Variants in ZRANB1 observed in about 807,000 individuals in gnomAD.
The protein encoded by ZRANB1 is zinc finger RANBP2-type containing 1.
ZRANB1 carries 16 observed loss-of-function variants against 80.5 expected under a neutral mutation model. That is an observed-to-expected ratio of 0.20 (90% CI 0.13 to 0.30). The LOEUF is 0.30. Among genes scored for constraint, ZRANB1 ranks in the 10% least tolerant of loss-of-function variants. The probability of loss-of-function intolerance (pLI) is 1.00; values close to 1 mark genes in which losing one functional copy is unlikely to be tolerated. For missense variants in ZRANB1, 576 were observed against 862.6 expected (o/e 0.67, Z 4.16); for synonymous variants, 291 against 293.1 (o/e 0.99, Z 0.07).
chr10:124,973,649 T>C lies in ZRANB1; in HGVS notation c.1161T>C (p.Ile387=). The C allele has an allele frequency of 6.2e-7, 1 of 1,610,674 alleles. No homozygotes were observed. The highest frequency in any genetic ancestry group is 8.5e-7 in the Non-Finnish European group (1 of 1,179,088). ...AAGTTTGCATTTTCTTTGTAGATAT[T>C]GAAGATTTGCCCCCAACAGTCCAAG... ...DLVTFTLPAD[I]EDLPPTVQEK... Residue 387 remains isoleucine (I), a synonymous_variant, in exon 4 of 9, where the codon ATT becomes ATC. Transcript: ENST00000359653.
At chr10:124,965,063 A>G (rs1201842693) in intron 1 of ZRANB1, among the ~76,000 whole-genome samples, 2 of 152,214 alleles carry the variant, frequency 1.3e-5, no homozygotes, top group Admixed American at 1.3e-4. Flanking sequence ...TTTCTGGTCT[A>G]TTTGAAAGGC....
intron 1 of ZRANB1, among the ~76,000 whole-genome samples, chr10:124,959,595 T>A (rs191114843): frequency 2.2e-4 from 33 of 152,184 alleles, no homozygotes; most frequent in Non-Finnish European, 4.4e-4. Flanking sequence ...GTCTCCCAAG[T>A]AGCTGGGACT....
At chr10:124,925,175 G>A in the ZRANB1 span, among the ~76,000 whole-genome samples, 20 of 152,268 alleles carry the variant, frequency 1.3e-4, no homozygotes, top group African/African-American at 4.6e-4. Context: ...CTCCCAAAAT[G>A]CTGGGATTAC....
intron 1 of ZRANB1, among the ~76,000 whole-genome samples, chr10:124,957,405 A>G (rs986108570): frequency 6.6e-6 from 1 of 152,144 alleles, no homozygotes; most frequent in Admixed American, 6.6e-5. Context: ...TTGAGGTAAA[A>G]TATACGTAAG....
At position 124,974,258 on chromosome 10, in the gene ZRANB1, C is replaced by A. The variant is rs1362715492; in HGVS notation, c.1287C>A (p.Asp429Glu). The change falls in exon 5 of 9, where the codon GAC (aspartate) becomes GAA (glutamate). Residue 429 changes from aspartate to glutamate, a missense_variant. This residue lies in a region of ZRANB1 where 411 missense variants were observed against 583.1 expected (regional missense o/e 0.70). Coordinates refer to ENST00000359653, the MANE Select transcript of ZRANB1 (RefSeq NM_017580.3). Reference protein sequence around the residue: ...NWSLELATRLDSRLYALWNRT... With the variant: ...NWSLELATRLESRLYALWNRT... ...CCTTGGAATTGGCTACACGTTTGGA[C>A]AGTCGACTGTATGCACTTTGGAACC... 1.2e-6 allele frequency: 2 copies of A among 1,614,260 alleles called. No homozygotes were observed. The highest frequency in any genetic ancestry group is 2.2e-5 in the South Asian group (2 of 91,090).
In ZRANB1 at chr10:124,946,664, C is replaced by T. The variant is rs562641090; in HGVS notation, c.814+3357C>T. ...TACAATGTCATTCTGAACTGTTATA[C>T]GTAAGGTTATAATTATAGGCCTGTT... is the stretch of plus-strand genomic sequence containing the variant. On this transcript the variant is annotated intron_variant, in intron 1 of 8. Coordinates refer to ENST00000359653, the MANE Select transcript of ZRANB1 (RefSeq NM_017580.3). Among the ~76,000 whole-genome samples the T allele has an allele frequency of 7.8e-4, 118 of 152,110 alleles. 1 individual carries two copies. Among genetic ancestry groups the T allele is most frequent in the Non-Finnish European group, 1.4e-3 (95 of 68,018 alleles).
chr10:124,961,622 G>A (rs1255460063), intron 1 of ZRANB1, among the ~76,000 whole-genome samples: 1 of 152,210 alleles, frequency 6.6e-6, no homozygotes, highest in Non-Finnish European at 1.5e-5. Flanking sequence ...GATCAAAGAT[G>A]TAAGGAGAAA....
chr10:124,935,530 TC>T, the ZRANB1 span, among the ~76,000 whole-genome samples: 12 of 152,232 alleles, frequency 7.9e-5, no homozygotes, highest in African/African-American at 2.7e-4. Context: ...GATACTGTCT[TC>T]CATTGCCTTC....
chr10:124,956,274 T>C (rs1951687137), intron 1 of ZRANB1, among the ~76,000 whole-genome samples: 1 of 152,146 alleles, frequency 6.6e-6, no homozygotes, highest in African/African-American at 2.4e-5. Flanking sequence ...AAGGATGTGT[T>C]TTGACTCTAG....
chr10:124,922,479 C>T, the ZRANB1 span, among the ~76,000 whole-genome samples: 9 of 148,542 alleles, frequency 6.1e-5, no homozygotes, highest in Non-Finnish European at 3.0e-5. Flanking sequence ...ATGCGTGCCA[C>T]CACACCTGGC....
chr10:124,928,552 C>G, the ZRANB1 span, among the ~76,000 whole-genome samples: 1 of 152,118 alleles, frequency 6.6e-6, no homozygotes, highest in Non-Finnish European at 1.5e-5. Flanking sequence ...TTGGGCACCT[C>G]CTATGTGATT....
chr10:124,987,031 C>T lies in ZRANB1; in HGVS notation c.*2039C>T, dbSNP rs1406500833. On this transcript the variant is annotated 3_prime_UTR_variant, in exon 9 of 9. Transcript: ENST00000359653. ...TAGTGTGATAGGTGCAGCATTCTTCCCTGTGGGAAAGAATTAAAGATGGTT... is the reference window on the plus strand; with the variant it reads ...TAGTGTGATAGGTGCAGCATTCTTCTCTGTGGGAAAGAATTAAAGATGGTT... The T allele has an allele frequency of 6.6e-6, 1 of 152,484 alleles. No individual in the cohort carries two copies. Among genetic ancestry groups the T allele is most frequent in the Non-Finnish European group, 1.5e-5 (1 of 68,006 alleles). 9.4% of individuals were successfully genotyped at this position (152,484 alleles called of 1,614,324 possible). A position where few individuals can be genotyped will look rare whatever the true frequency, so the allele number is the denominator to read the frequency against.
intron 1 of ZRANB1, among the ~76,000 whole-genome samples, chr10:124,944,057 T>G (rs1330017261): frequency 6.6e-6 from 1 of 152,248 alleles, no homozygotes; most frequent in Non-Finnish European, 1.5e-5. Flanking sequence ...TCATATGTAT[T>G]GTGACATTTT....
intron 1 of ZRANB1, among the ~76,000 whole-genome samples, chr10:124,959,110 G>C (rs1413719274): frequency 6.6e-6 from 1 of 152,198 alleles, no homozygotes; most frequent in Non-Finnish European, 1.5e-5. Context: ...AGGGCAAATA[G>C]AATTTAGCAA....
chr10:124,932,366 T>A, the ZRANB1 span, among the ~76,000 whole-genome samples: 6 of 147,772 alleles, frequency 4.1e-5, no homozygotes, highest in Non-Finnish European at 8.9e-5. Context: ...CTTGGCTCAC[T>A]GCAACCTCTG....
At chr10:124,931,626 C>T in the ZRANB1 span, among the ~76,000 whole-genome samples, 1 of 152,166 alleles carries the variant, frequency 6.6e-6, no homozygotes, top group Non-Finnish European at 1.5e-5. Flanking sequence ...CCACCTCAGC[C>T]TCCCAAAATG....
At chr10:124,926,413 T>A in the ZRANB1 span, among the ~76,000 whole-genome samples, 35 of 152,364 alleles carry the variant, frequency 2.3e-4, no homozygotes, top group African/African-American at 7.2e-4. Context: ...TTTAGATCCT[T>A]ACCTTATAAG....
chr10:124,943,607 A>G (rs1951555582), intron 1 of ZRANB1, among the ~76,000 whole-genome samples: 1 of 152,210 alleles, frequency 6.6e-6, no homozygotes, highest in African/African-American at 2.4e-5. Flanking sequence ...TGTACTTTCA[A>G]GTATGCATAC....
At chr10:124,927,747 G>A in the ZRANB1 span, among the ~76,000 whole-genome samples, 1 of 152,054 alleles carries the variant, frequency 6.6e-6, no homozygotes, top group African/African-American at 2.4e-5. Context: ...GGTAAAGAAG[G>A]GATTAAAGGC....
Sources: gnomAD v4.1 joint callset for allele counts (sites outside exome capture counted in the v4.1 genomes callset) on GRCh38, gnomAD v4.1.1 for gene constraint, gnomAD v4.1.1 regional missense constraint, MANE v1.5 for transcripts, NCBI Gene and HGNC (gene_info 2026-07-23, HGNC 2026-07-21) for gene names.